The following MAP3K2 variants were observed in gnomAD, a reference collection of about 807,000 sequenced individuals.
MAP3K2 encodes mitogen-activated protein kinase kinase kinase 2.
Under a neutral mutation model 80.3 loss-of-function variants are expected in MAP3K2, and 24 were observed. The ratio of observed to expected loss-of-function variants is 0.30; its 90% confidence interval spans 0.22 to 0.42. MAP3K2 has a LOEUF of 0.42. Among genes scored for constraint, MAP3K2 ranks in the 10% least tolerant of loss-of-function variants. The pLI, the probability that MAP3K2 is intolerant of heterozygous loss-of-function variation, is 1.00. For synonymous variants in MAP3K2, 244 were observed against 253.7 expected (o/e 0.96, Z 0.36); for missense variants, 608 against 750.1 (o/e 0.81, Z 2.21).
chr2:127,317,010 A>C (rs1351719735), intron 14 of MAP3K2: 1 of 152,134 alleles, frequency 6.6e-6, no homozygotes. Flanking sequence ...ACAAAAAAAC[A>C]AAATCCACAA....
chr2:127,356,779 A>G (rs1036083095), intron 1 of MAP3K2, among the ~76,000 whole-genome samples: 1 of 152,242 alleles, frequency 6.6e-6, no homozygotes, highest in Admixed American at 6.5e-5. Flanking sequence ...GAAATTACGA[A>G]AAGAAAACTA....
chr2:127,379,177 C>A (rs1687202153), intron 1 of MAP3K2, among the ~76,000 whole-genome samples: 1 of 151,814 alleles, frequency 6.6e-6, no homozygotes, highest in Middle Eastern at 3.4e-3. Flanking sequence ...ATTTGTATTC[C>A]CCTTATATTA....
At position 127,322,057 on chromosome 2, in the gene MAP3K2, G is replaced by A. The variant is rs776477330; in HGVS notation, c.1034C>T (p.Pro345Leu). The A allele has an allele frequency of 6.2e-7, 1 of 1,612,844 alleles. No homozygotes were observed. Among genetic ancestry groups the A allele is most frequent in the Non-Finnish European group, 8.5e-7 (1 of 1,179,402 alleles). The change falls in exon 12 of 17, where the codon CCA becomes CTA. Residue 345 changes from proline (P) to leucine (L), a missense_variant. Physicochemically the swap from Pro to Leu is moderately conservative, Grantham distance 98. This residue lies in a region of MAP3K2 where 467 missense variants were observed against 521.9 expected (regional missense o/e 0.89). Transcript: ENST00000682094. The surrounding 1 kb of genome is among the most constrained non-coding windows in gnomAD (Gnocchi z 4.2). ...GTTCTATTACTTACAACGGCTGGGT[G>A]GGCTGATGTCCATTACGGTCAAAGT... ...NPTLTVMDIS[P>L]PSRSPRAPTN... is the part of the protein sequence containing the mutation.
At chr2:127,352,617 T>C (rs1047348829) in intron 1 of MAP3K2, among the ~76,000 whole-genome samples, 2 of 152,174 alleles carry the variant, frequency 1.3e-5, no homozygotes, top group Non-Finnish European at 2.9e-5. Flanking sequence ...TGTTAGATAT[T>C]TTAATCCTTG....
chr2:127,378,787 G>A (rs1194704471), intron 1 of MAP3K2, among the ~76,000 whole-genome samples: 1 of 152,040 alleles, frequency 6.6e-6, no homozygotes, highest in African/African-American at 2.4e-5. Flanking sequence ...CTGTTTTTGA[G>A]ATGGGGTCTC....
Position 127,313,942 on chromosome 2 carries a change from C to T in MAP3K2, c.1456+812G>A, listed in dbSNP as rs116445455. On this transcript the variant is annotated intron_variant, in intron 15 of 16. Coordinates refer to ENST00000682094, the MANE Select transcript of MAP3K2 (RefSeq NM_001371910.2). ...GCCTCAGCCTCCCAGGTAGCTGGGA[C>T]TACAGTCATGCACCATCATGCTGCT... Among the ~76,000 whole-genome samples the T allele has an allele frequency of 4.8e-3, 724 of 152,260 alleles. 10 individuals are homozygous for T. Among genetic ancestry groups the T allele is most frequent in the African/African-American group, 0.017 (687 of 41,558 alleles).
Position 127,350,454 on chromosome 2 carries a change from CA to C in MAP3K2, c.-65-7261del, listed in dbSNP as rs752516255. Among the ~76,000 whole-genome samples the C allele has an allele frequency of 4.9e-3, 488 of 99,410 alleles. 5 individuals carry two copies. Among genetic ancestry groups the C allele is most frequent in the African/African-American group, 0.014 (363 of 25,400 alleles). 65.2% of individuals were successfully genotyped at this position (99,410 alleles called of 152,430 possible). A position where few individuals can be genotyped will look rare whatever the true frequency, so the allele number is the denominator to read the frequency against. On this transcript the variant is annotated intron_variant, in intron 1 of 16. Coordinates refer to ENST00000682094, the MANE Select transcript of MAP3K2 (RefSeq NM_001371910.2). ...CCATCTCCTGAAACAAAAACAAAAA[CA>C]AAAAAAAAAAAAAAAAGAAAGAAGA...
At chr2:127,362,694 G>A (rs1290180699) in intron 1 of MAP3K2, among the ~76,000 whole-genome samples, 2 of 150,776 alleles carry the variant, frequency 1.3e-5, no homozygotes, top group African/African-American at 4.8e-5. Flanking sequence ...GTTTATGGAC[G>A]ATAATTAGCA....
At chr2:127,318,361 C>G (rs1227525357) in intron 12 of MAP3K2, 44 bp from the exon 13 acceptor site, 1 of 1,485,400 alleles carries the variant, frequency 6.7e-7, no homozygotes, top group Admixed American at 2.3e-5. Flanking sequence ...AAACAGCACA[C>G]AAATAAATGG....
chr2:127,344,715 A>T (rs559241660), intron 1 of MAP3K2, among the ~76,000 whole-genome samples: 1 of 152,308 alleles, frequency 6.6e-6, no homozygotes, highest in Non-Finnish European at 1.5e-5. Context: ...AATAAGATGT[A>T]TATGAAACAT....
chr2:127,374,718 T>C (rs189789643), intron 1 of MAP3K2, among the ~76,000 whole-genome samples: 36 of 152,350 alleles, frequency 2.4e-4, no homozygotes, highest in Admixed American at 4.6e-4. Context: ...CCACCCGATA[T>C]GTCATTAAAC....
intron 1 of MAP3K2, among the ~76,000 whole-genome samples, chr2:127,354,044 A>G (rs1188789589): frequency 1.1e-4 from 17 of 152,098 alleles, no homozygotes; most frequent in African/African-American, 3.4e-4. Flanking sequence ...CTTGAAGGCA[A>G]CAGGCTCGTT....
intron 1 of MAP3K2, among the ~76,000 whole-genome samples, chr2:127,344,761 C>A (rs1193112426): frequency 6.6e-6 from 1 of 152,090 alleles, no homozygotes; most frequent in Non-Finnish European, 1.5e-5. Context: ...GTCCCTTTCC[C>A]AAGATACCTC....
chr2:127,324,074 A>T (rs1239495386), intron 10 of MAP3K2, 80 bp from the exon 11 acceptor site: 7 of 1,102,696 alleles, frequency 6.3e-6, no homozygotes, highest in Non-Finnish European at 9.0e-6. Flanking sequence ...CACATTTATA[A>T]ATCTTTATTT....
At chr2:127,315,570 CCAGT>C (rs1470568543) in intron 14 of MAP3K2, among the ~76,000 whole-genome samples, 2 of 152,174 alleles carry the variant, frequency 1.3e-5, no homozygotes, top group Non-Finnish European at 2.9e-5. Context: ...GCAAGTGTGG[CCAGT>C]CAACTACTCA....
intron 16 of MAP3K2, among the ~76,000 whole-genome samples, chr2:127,308,039 C>T (rs1685736484): frequency 6.6e-6 from 1 of 152,120 alleles, no homozygotes; most frequent in East Asian, 1.9e-4. Flanking sequence ...GAACATTATT[C>T]ATCTTATTAT....
chr2:127,303,210 G>T lies in MAP3K2; in HGVS notation c.*4369C>A, dbSNP rs570862290. ...TAAAACAGTATGATCTCAAGGAACT[G>T]TCCTGATCTTAGTATAAATAACACT... On this transcript the variant is annotated 3_prime_UTR_variant, in exon 17 of 17. Transcript: ENST00000682094. 2 of 151,890 alleles carry T rather than the reference G, an allele frequency of 1.3e-5. No individual in the cohort carries two copies. The highest frequency in any genetic ancestry group is 4.2e-4 in the South Asian group (2 of 4,814). The allele number at this position is 151,890 out of a possible 1,614,324, so 9.4% of individuals were successfully genotyped here.
In MAP3K2 at chr2:127,329,099, G is replaced by A. The variant is rs1187896798; in HGVS notation, c.466+822C>T. On this transcript the variant is annotated intron_variant, in intron 7 of 16. Transcript: ENST00000682094. Reference sequence around the variant, plus strand: ...GTCAAACTCATGTTGCACGAATAAAGCCTCCTTAAACTACAGCATGCAAGA... The same window carrying A: ...GTCAAACTCATGTTGCACGAATAAAACCTCCTTAAACTACAGCATGCAAGA... 2.0e-5 allele frequency among the ~76,000 whole-genome samples: 3 copies of A among 152,100 alleles called. No homozygotes were observed. The East Asian group carries it at 5.8e-4, about 29-fold the overall frequency.
Position 127,364,312 on chromosome 2 carries a change from C to T in MAP3K2, c.-65-21118G>A, listed in dbSNP as rs1686936169. 6.6e-6 allele frequency among the ~76,000 whole-genome samples: 1 copy of T among 152,128 alleles called. No homozygotes were observed. The highest frequency in any genetic ancestry group is 1.9e-4 in the East Asian group (1 of 5,194). The stretch of plus-strand genomic sequence containing the variant: ...ATCAAAAAAAGCAAAGAGTAGGAGT[C>T]AATAGGTTCTGAGTTATACTACGAA... On this transcript the variant is annotated intron_variant, in intron 1 of 16. Coordinates refer to ENST00000682094, the MANE Select transcript of MAP3K2 (RefSeq NM_001371910.2). The surrounding 1 kb of genome is among the most constrained non-coding windows in gnomAD (Gnocchi z 4.1).
Sources: allele counts gnomAD v4.1 joint callset (sites outside exome capture counted in the v4.1 genomes callset), GRCh38; gene constraint gnomAD v4.1.1; regional missense constraint gnomAD v4.1.1; non-coding constraint Gnocchi (gnomAD v3.1); transcripts MANE v1.5; gene names NCBI Gene and HGNC (gene_info 2026-07-23, HGNC 2026-07-21).